The following ASTN2 variants were observed in gnomAD, a reference collection of about 807,000 sequenced individuals.
ASTN2 encodes astrotactin 2, also known as astrotactin-2.
ASTN2 carries 54 observed loss-of-function variants against 139.8 expected under a neutral mutation model. The observed-to-expected ratio is 0.39, with a 90% CI of 0.31 to 0.48. ASTN2 has a LOEUF of 0.48. Among genes scored for constraint, ASTN2 ranks in the 20% least tolerant of loss-of-function variants. The pLI is 0.95. For synonymous variants in ASTN2, 756 were observed against 719.5 expected, an observed-to-expected ratio of 1.05 and a Z score of -0.81; for missense variants, 1,565 against 1,725.1, an observed-to-expected ratio of 0.91 and a Z score of 1.64.
At chr9:116,580,510 T>C (rs1007603810) in intron 19 of ASTN2, among the ~76,000 whole-genome samples, 16 of 152,170 alleles carry the variant, frequency 1.1e-4, no homozygotes, top group Non-Finnish European at 2.2e-4. Flanking sequence ...CTGAATACCC[T>C]GTGACACCAG....
intron 16 of ASTN2, among the ~76,000 whole-genome samples, chr9:116,666,436 C>T (rs1858867078): frequency 6.6e-6 from 1 of 152,166 alleles, no homozygotes; most frequent in South Asian, 2.1e-4. Context: ...TTTCCTATGA[C>T]TTTGACATAA....
intron 1 of ASTN2, among the ~76,000 whole-genome samples, chr9:117,314,236 C>T (rs1828063261): frequency 6.6e-6 from 1 of 152,080 alleles, no homozygotes; most frequent in South Asian, 2.1e-4. Context: ...CCACCCCCAC[C>T]ATGAATGTTT....
intron 5 of ASTN2, among the ~76,000 whole-genome samples, chr9:117,051,703 A>G (rs1177868685): frequency 1.3e-5 from 2 of 152,158 alleles, no homozygotes; most frequent in African/African-American, 2.4e-5. Context: ...ATAGACACAG[A>G]GCCAGGAAAA....
chr9:116,990,854 A>G (rs1454672923), intron 7 of ASTN2, among the ~76,000 whole-genome samples: 1 of 152,192 alleles, frequency 6.6e-6, no homozygotes, highest in African/African-American at 2.4e-5. Flanking sequence ...CTACAGAGTC[A>G]GGTTTCATTG....
At chr9:117,060,344 G>GAGAAAGAAAGAA (rs575931514) in intron 5 of ASTN2, among the ~76,000 whole-genome samples, 68 of 58,942 alleles carry the variant, frequency 1.2e-3, no homozygotes, top group South Asian at 2.1e-3. Flanking sequence ...GAAAGAAAGA[G>GAGAAAGAAAGAA]AGAAAGAAAG....
intron 1 of ASTN2, among the ~76,000 whole-genome samples, chr9:117,306,451 A>T (rs1308667447): frequency 1.3e-5 from 2 of 152,172 alleles, no homozygotes; most frequent in African/African-American, 4.8e-5. Flanking sequence ...CCAGATTCTG[A>T]GTAGCCTCCT....
intron 20 of ASTN2, among the ~76,000 whole-genome samples, chr9:116,469,782 G>C (rs1171836876): frequency 1.3e-5 from 2 of 152,142 alleles, no homozygotes; most frequent in African/African-American, 4.8e-5. Flanking sequence ...CCCATAAACT[G>C]TCAAGTCTAA....
chr9:117,118,895 C>T (rs1247182844), intron 4 of ASTN2, among the ~76,000 whole-genome samples: 3 of 152,140 alleles, frequency 2.0e-5, no homozygotes, highest in Non-Finnish European at 4.4e-5. Flanking sequence ...TAAGATACTC[C>T]CTTCCTCCAC....
intron 16 of ASTN2, among the ~76,000 whole-genome samples, chr9:116,721,485 A>C (rs1828472010): frequency 6.6e-6 from 1 of 152,202 alleles, no homozygotes; most frequent in African/African-American, 2.4e-5. Context: ...AGGGATATCA[A>C]GAGCACAGAA....
At chr9:116,820,504 C>G (rs1831456080) in intron 12 of ASTN2, 113 bp downstream of exon 12, 11 of 1,340,356 alleles carry the variant, frequency 8.2e-6, no homozygotes, top group Non-Finnish European at 9.1e-6. Flanking sequence ...GCAGAAAGGC[C>G]ATTTTATTGA....
intron 1 of ASTN2, among the ~76,000 whole-genome samples, chr9:117,304,298 G>A (rs1435129291): frequency 2.6e-5 from 4 of 152,206 alleles, no homozygotes; most frequent in African/African-American, 7.2e-5. Context: ...ACAAGATGGG[G>A]TTGGGCTTTC....
chr9:117,202,168 C>T (rs1318224549), intron 3 of ASTN2, among the ~76,000 whole-genome samples: 3 of 151,944 alleles, frequency 2.0e-5, no homozygotes, highest in Non-Finnish European at 4.4e-5. Context: ...CAATCCCTGC[C>T]TTTTTTTGTT....
intron 11 of ASTN2, among the ~76,000 whole-genome samples, chr9:116,826,997 C>T (rs1243337492): frequency 1.3e-5 from 2 of 152,042 alleles, no homozygotes; most frequent in Non-Finnish European, 2.9e-5. Context: ...AATTAACAAC[C>T]TAATATCACA....
chr9:117,324,450 A>C (rs1041138178), intron 1 of ASTN2, among the ~76,000 whole-genome samples: 3 of 152,198 alleles, frequency 2.0e-5, no homozygotes. Context: ...AGGCAGCAGG[A>C]GAGAGAAGAG....
chr9:117,083,873 T>A (rs967931272), intron 5 of ASTN2, among the ~76,000 whole-genome samples: 1 of 151,618 alleles, frequency 6.6e-6, no homozygotes, highest in Non-Finnish European at 1.5e-5. Context: ...GGAAGAGGAG[T>A]ACAGAGAACA....
chr9:116,757,721 CAT>C (rs1829571798), intron 13 of ASTN2, among the ~76,000 whole-genome samples: 1 of 152,098 alleles, frequency 6.6e-6, no homozygotes, highest in Non-Finnish European at 1.5e-5. Context: ...CTTCCCAGAA[CAT>C]ATGACTGTCT....
At chr9:116,449,942 T>C (rs1359589975) in intron 20 of ASTN2, among the ~76,000 whole-genome samples, 1 of 152,158 alleles carries the variant, frequency 6.6e-6, no homozygotes, top group Non-Finnish European at 1.5e-5. Flanking sequence ...ATTCTTGCAG[T>C]TGAGGCCCCA....
At chr9:117,392,633 A>C (rs1309748364) in intron 1 of ASTN2, among the ~76,000 whole-genome samples, 1 of 152,220 alleles carries the variant, frequency 6.6e-6, no homozygotes, top group Non-Finnish European at 1.5e-5. Context: ...TATTTTAGGG[A>C]TATGTTAGCT....
chr9:117,164,664 C>G (rs1011104065), intron 3 of ASTN2, among the ~76,000 whole-genome samples: 7 of 152,008 alleles, frequency 4.6e-5, no homozygotes, highest in African/African-American at 1.7e-4. Context: ...GCTGAAGCAG[C>G]GAAGGTTCCT....
Sources: gnomAD v4.1 joint callset for allele counts (sites outside exome capture counted in the v4.1 genomes callset) on GRCh38, gnomAD v4.1.1 for gene constraint, MANE v1.5 for transcripts, NCBI Gene and HGNC (gene_info 2026-07-23, HGNC 2026-07-21) for gene names.